The following PRICKLE1 variants were observed in gnomAD, a reference collection of about 807,000 sequenced individuals.
PRICKLE1 encodes prickle-like protein 1.
PRICKLE1 carries 14 observed loss-of-function variants against 70.2 expected under a neutral mutation model. The ratio of observed to expected loss-of-function variants is 0.20; its 90% confidence interval spans 0.13 to 0.31. The LOEUF (loss-of-function observed/expected upper bound fraction) is 0.31. PRICKLE1 is among the 10% of genes least tolerant of loss of function. PRICKLE1 has a pLI of 1.00. For missense variants in PRICKLE1, 821 were observed against 1,026.2 expected, an observed-to-expected ratio of 0.80 and a Z score of 2.73; for synonymous variants, 357 against 379.9, an observed-to-expected ratio of 0.94 and a Z score of 0.70.
chr12:42,572,916 T>C (rs1022985596), intron 1 of PRICKLE1, among the ~76,000 whole-genome samples: 3 of 152,192 alleles, frequency 2.0e-5, no homozygotes, highest in African/African-American at 7.2e-5. Context: ...AAATACAAAA[T>C]CTTACATAGA....
chr12:42,492,630 A>G (rs1295095473), intron 1 of PRICKLE1, among the ~76,000 whole-genome samples: 2 of 152,254 alleles, frequency 1.3e-5, no homozygotes, highest in African/African-American at 4.8e-5. Context: ...CTGGTTTACA[A>G]GCTTTAATTA....
At chr12:42,550,898 G>A (rs1027464611) in intron 1 of PRICKLE1, among the ~76,000 whole-genome samples, 21 of 152,082 alleles carry the variant, frequency 1.4e-4, no homozygotes, top group Non-Finnish European at 2.8e-4. Context: ...GAAGTACTAG[G>A]GCTGAACTCT....
chr12:42,508,113 T>TAAGG (rs1939449930), intron 1 of PRICKLE1, among the ~76,000 whole-genome samples: 1 of 151,910 alleles, frequency 6.6e-6, no homozygotes, highest in Non-Finnish European at 1.5e-5. Context: ...AATTCTTTTA[T>TAAGG]AAGGGCTCTA....
At chr12:42,551,761 T>C (rs550565792) in intron 1 of PRICKLE1, among the ~76,000 whole-genome samples, 1 of 152,288 alleles carries the variant, frequency 6.6e-6, no homozygotes, top group South Asian at 2.1e-4. Context: ...GGCTGTCTGA[T>C]TTTCAATGGG....
intron 1 of PRICKLE1, among the ~76,000 whole-genome samples, chr12:42,497,670 T>C (rs963332205): frequency 6.6e-6 from 1 of 151,580 alleles, no homozygotes; most frequent in Non-Finnish European, 1.5e-5. Context: ...ATCACAGATA[T>C]AAAAATAATG....
At chr12:42,474,860 C>A (rs1412501305) in intron 1 of PRICKLE1, among the ~76,000 whole-genome samples, 1 of 152,118 alleles carries the variant, frequency 6.6e-6, no homozygotes, top group Non-Finnish European at 1.5e-5. Context: ...TTACAAAGAA[C>A]ATAAATATTA....
intron 1 of PRICKLE1, among the ~76,000 whole-genome samples, chr12:42,546,517 GC>G (rs1940215619): frequency 6.6e-6 from 1 of 152,164 alleles, no homozygotes; most frequent in Non-Finnish European, 1.5e-5. Flanking sequence ...ATTTTGGGAG[GC>G]TGAGGTGGGA....
rs144843013 is a variant in PRICKLE1, at chr12:42,470,315, G to A, written c.177C>T (p.Tyr59=). The A allele has an allele frequency of 2.7e-3, 4,420 of 1,613,942 alleles. 35 individuals carry two copies. The highest frequency in any genetic ancestry group is 0.016 in the South Asian group (1,416 of 91,084). ...FACLPEEKVP[Y]VNSPGEKHRI... is the part of the protein sequence containing the mutation. ...GATGCTTCTCTCCGGGGCTGTTAAC[G>A]TAAGGAACTTTTTCCTCTGGTAAGC... The change falls in exon 3 of 8, where the codon TAC becomes TAT. Residue 59 remains tyrosine, a synonymous_variant. Transcript: ENST00000345127.
chr12:42,470,425 T>A, intron 2 of PRICKLE1, 66 bp from the exon 3 acceptor site: 1 of 1,114,630 alleles, frequency 9.0e-7, no homozygotes. Context: ...ACTTAATCTT[T>A]AAAAGTTACC....
In PRICKLE1 at chr12:42,530,236, G is replaced by A. The variant is rs138685278; in HGVS notation, c.-48-57672C>T. On this transcript the variant is annotated intron_variant, in intron 1 of 7. Coordinates refer to ENST00000345127, the MANE Select transcript of PRICKLE1 (RefSeq NM_153026.3). ...TGGGATTACAGGCATAAGCCACTGC[G>A]CCCGGCCTATAAGGAAGAATTTTCA... Among the ~76,000 whole-genome samples, 573 of 152,202 alleles carry A rather than the reference G, an allele frequency of 3.8e-3. 7 individuals carry two copies. Among genetic ancestry groups the A allele is most frequent in the South Asian group, 0.031 (148 of 4,828 alleles).
intron 1 of PRICKLE1, among the ~76,000 whole-genome samples, chr12:42,575,389 C>T (rs915175131): frequency 6.6e-6 from 1 of 152,084 alleles, no homozygotes; most frequent in African/African-American, 2.4e-5. Flanking sequence ...AATCTTATAG[C>T]CAAATAGAAA....
intron 1 of PRICKLE1, among the ~76,000 whole-genome samples, chr12:42,562,573 A>G (rs1449889642): frequency 6.6e-6 from 1 of 152,132 alleles, no homozygotes; most frequent in East Asian, 1.9e-4. Flanking sequence ...GGAAGAAATG[A>G]GAAATGATTA....
At chr12:42,470,394 C>T in intron 2 of PRICKLE1, 35 bp from the exon 3 acceptor site, 1 of 1,297,510 alleles carries the variant, frequency 7.7e-7, no homozygotes, top group Non-Finnish European at 1.1e-6. Context: ...CATCAACATA[C>T]AGAACTGAGC....
At chr12:42,491,112 G>T (rs11181522) in intron 1 of PRICKLE1, among the ~76,000 whole-genome samples, 121,053 of 150,486 alleles carry the variant, frequency 0.8, 49,137 homozygotes, top group African/African-American at 0.91. Flanking sequence ...TGACCTCAGG[G>T]GATCTGCCCG....
rs114719652 is a variant in PRICKLE1, at chr12:42,460,921, G to C, written c.1640-256C>G. Among the ~76,000 whole-genome samples the C allele has an allele frequency of 8.7e-3, 1,316 of 152,096 alleles. 14 individuals carry two copies. Among genetic ancestry groups the C allele is most frequent in the African/African-American group, 0.03 (1,261 of 41,462 alleles). ...TTTGAGACAGAGTTTTGCTCTAGTTGCCCGGGCTGGAGTGCAATGGCGCTA... is the reference window on the plus strand; with the variant it reads ...TTTGAGACAGAGTTTTGCTCTAGTTCCCCGGGCTGGAGTGCAATGGCGCTA... On this transcript the variant is annotated intron_variant, in intron 7 of 7. Coordinates refer to ENST00000345127, the MANE Select transcript of PRICKLE1 (RefSeq NM_153026.3).
intron 4 of PRICKLE1, among the ~76,000 whole-genome samples, chr12:42,469,106 C>T (rs1430219305): frequency 6.6e-6 from 1 of 152,118 alleles, no homozygotes; most frequent in Non-Finnish European, 1.5e-5. Flanking sequence ...ACATTTCCTA[C>T]TCTGAGAACT....
At chr12:42,532,406 C>A (rs928820023) in intron 1 of PRICKLE1, among the ~76,000 whole-genome samples, 18 of 152,020 alleles carry the variant, frequency 1.2e-4, no homozygotes, top group Admixed American at 8.5e-4. Context: ...AAACTATAGA[C>A]CAGTGTTGTC....
At chr12:42,477,955 C>CTTTTT (rs35905569) in intron 1 of PRICKLE1, among the ~76,000 whole-genome samples, 1 of 133,136 alleles carries the variant, frequency 7.5e-6, no homozygotes, top group African/African-American at 2.7e-5. Flanking sequence ...CTGCCCTATA[C>CTTTTT]TTTTTTTTTT....
chr12:42,539,933 C>T (rs1940080646), intron 1 of PRICKLE1, among the ~76,000 whole-genome samples: 1 of 152,122 alleles, frequency 6.6e-6, no homozygotes. Flanking sequence ...ATCTAATGTC[C>T]TGGAGAATAC....
Sources: gnomAD v4.1 joint callset for allele counts (sites outside exome capture counted in the v4.1 genomes callset) on GRCh38, gnomAD v4.1.1 for gene constraint, MANE v1.5 for transcripts, NCBI Gene and HGNC (gene_info 2026-07-23, HGNC 2026-07-21) for gene names.